Variants in SGMS1 observed in about 807,000 individuals in gnomAD.
The protein encoded by SGMS1 is phosphatidylcholine:ceramide cholinephosphotransferase 1.
Under a neutral mutation model 46.2 loss-of-function variants are expected in SGMS1, and 13 were observed. The ratio of observed to expected loss-of-function variants is 0.28; its 90% confidence interval spans 0.18 to 0.45. The LOEUF (loss-of-function observed/expected upper bound fraction) is 0.45, where lower values mean the gene tolerates loss of function less well. SGMS1 is among the 20% of genes least tolerant of loss of function. The pLI, the probability that SGMS1 is intolerant of heterozygous loss-of-function variation, is 1.00. For synonymous variants in SGMS1, 203 were observed against 187.8 expected (o/e 1.08, Z -0.66); for missense variants, 324 against 519.9 (o/e 0.62, Z 3.66).
intron 2 of SGMS1, among the ~76,000 whole-genome samples, chr10:50,559,427 G>A (rs1476439973): frequency 6.6e-6 from 1 of 152,146 alleles, no homozygotes; most frequent in Non-Finnish European, 1.5e-5. Context: ...ATATACAATA[G>A]ATACTCATGC....
chr10:50,370,909 A>G (rs947139294), intron 6 of SGMS1, among the ~76,000 whole-genome samples: 3 of 152,132 alleles, frequency 2.0e-5, no homozygotes, highest in Non-Finnish European at 4.4e-5. Flanking sequence ...GCCTTCCGGA[A>G]TTCCTCCTGA....
intron 5 of SGMS1, among the ~76,000 whole-genome samples, chr10:50,435,351 C>G (rs1021617764): frequency 1.3e-5 from 2 of 152,212 alleles, no homozygotes; most frequent in African/African-American, 4.8e-5. Context: ...ACTGTGCTCA[C>G]TAGTGCAACT....
chr10:50,394,500 C>A (rs140908753), intron 6 of SGMS1, among the ~76,000 whole-genome samples: 18 of 152,292 alleles, frequency 1.2e-4, no homozygotes, highest in African/African-American at 4.3e-4. Flanking sequence ...AGTTGGAAAC[C>A]CCATTTGCCA....
intron 2 of SGMS1, among the ~76,000 whole-genome samples, chr10:50,568,934 G>A (rs1838313713): frequency 6.6e-6 from 1 of 152,040 alleles, no homozygotes. Context: ...TAAAGAAAAT[G>A]TGGCACATAT....
At chr10:50,413,175 C>G (rs1188960463) in intron 6 of SGMS1, among the ~76,000 whole-genome samples, 1 of 152,024 alleles carries the variant, frequency 6.6e-6, no homozygotes, top group Non-Finnish European at 1.5e-5. Context: ...CTTGTTTATT[C>G]CTCTAAGCCC....
intron 6 of SGMS1, among the ~76,000 whole-genome samples, chr10:50,408,718 T>C (rs1165753507): frequency 1.3e-5 from 2 of 151,846 alleles, no homozygotes; most frequent in Admixed American, 6.6e-5. Context: ...TGCATGCCTG[T>C]AGTCCCAGCT....
chr10:50,608,931 T>A (rs1838721169), intron 1 of SGMS1, among the ~76,000 whole-genome samples: 1 of 152,234 alleles, frequency 6.6e-6, no homozygotes, highest in Non-Finnish European at 1.5e-5. Flanking sequence ...CTAGATAATG[T>A]ATAATACATA....
At chr10:50,481,205 G>A (rs1375211480) in intron 3 of SGMS1, among the ~76,000 whole-genome samples, 1 of 152,226 alleles carries the variant, frequency 6.6e-6, no homozygotes, top group Non-Finnish European at 1.5e-5. Flanking sequence ...TCATTAAGAG[G>A]ATCCCTCATC....
intron 2 of SGMS1, among the ~76,000 whole-genome samples, chr10:50,589,952 A>C (rs2131890774): frequency 6.6e-6 from 1 of 152,332 alleles, no homozygotes; most frequent in African/African-American, 2.4e-5. Flanking sequence ...TTAGGAAAAA[A>C]TGTCATAATA....
intron 3 of SGMS1, among the ~76,000 whole-genome samples, chr10:50,471,923 A>G (rs188801135): frequency 6.6e-6 from 1 of 152,340 alleles, no homozygotes; most frequent in African/African-American, 2.4e-5. Flanking sequence ...GAGCCACATT[A>G]TCTCTGTGCT....
intron 1 of SGMS1, among the ~76,000 whole-genome samples, chr10:50,598,629 G>A (rs981003732): frequency 1.3e-5 from 2 of 152,126 alleles, no homozygotes; most frequent in African/African-American, 2.4e-5. Context: ...CATGGGACAG[G>A]AGACCATCAG....
intron 3 of SGMS1, among the ~76,000 whole-genome samples, chr10:50,518,585 C>T (rs529541926): frequency 1.1e-3 from 170 of 152,140 alleles, no homozygotes; most frequent in Non-Finnish European, 2.1e-3. Context: ...TGCCACCATT[C>T]CCGGCTAATT....
At chr10:50,623,047 C>G (rs540312907) in intron 1 of SGMS1, among the ~76,000 whole-genome samples, 1 of 152,120 alleles carries the variant, frequency 6.6e-6, no homozygotes, top group Non-Finnish European at 1.5e-5. Context: ...GCGGGGGCAG[C>G]CCTGCGGGGT....
At position 50,610,938 on chromosome 10, in the gene SGMS1, C is replaced by T. The variant is rs191299351; in HGVS notation, c.-684+12769G>A. The stretch of plus-strand genomic sequence containing the variant: ...AGATGGAGGCCATCTACAAAGGCTT[C>T]CACAAAAAGCAATGGCATACAGGGG... On this transcript the variant is annotated intron_variant, in intron 1 of 10. Transcript: ENST00000361781. Among the ~76,000 whole-genome samples the T allele has an allele frequency of 2.0e-5, 3 of 152,246 alleles. No homozygotes were observed. The East Asian group carries it at 5.8e-4, about 29-fold the overall frequency.
intron 5 of SGMS1, among the ~76,000 whole-genome samples, chr10:50,449,591 T>C (rs1455311138): frequency 6.6e-6 from 1 of 152,190 alleles, no homozygotes; most frequent in African/African-American, 2.4e-5. Flanking sequence ...TACTTAGATG[T>C]TGCCTTCTCA....
At chr10:50,525,045 G>C (rs1379913163) in intron 2 of SGMS1, among the ~76,000 whole-genome samples, 1 of 152,096 alleles carries the variant, frequency 6.6e-6, no homozygotes, top group African/African-American at 2.4e-5. Flanking sequence ...ATGTTTAAAA[G>C]AAGCGGTGGA....
chr10:50,603,534 A>AAC (rs997209163), intron 1 of SGMS1, among the ~76,000 whole-genome samples: 64 of 152,306 alleles, frequency 4.2e-4, no homozygotes, highest in Admixed American at 8.5e-4. Context: ...AAATTTAAAA[A>AAC]ACACACACAC....
At position 50,525,049 on chromosome 10, in the gene SGMS1, C is replaced by A. The variant is rs151004127; in HGVS notation, c.-588-5128G>T. Reference sequence around the variant, plus strand: ...CAAGCAAAATAATGTTTAAAAGAAGCGGTGGAAATAGGAAAGAATTTTCTT... The same window carrying A: ...CAAGCAAAATAATGTTTAAAAGAAGAGGTGGAAATAGGAAAGAATTTTCTT... On this transcript the variant is annotated intron_variant, in intron 2 of 10. Transcript: ENST00000361781. 5.2e-4 allele frequency among the ~76,000 whole-genome samples: 79 copies of A among 151,900 alleles called. No homozygotes were observed. The South Asian group carries it at 0.016, about 30-fold the overall frequency.
intron 2 of SGMS1, among the ~76,000 whole-genome samples, chr10:50,533,905 T>G (rs1215112657): frequency 3.3e-5 from 5 of 151,986 alleles, no homozygotes; most frequent in Non-Finnish European, 5.9e-5. Context: ...AAAAAGGAAG[T>G]TGGGTATGGT....
Sources: gnomAD v4.1 joint callset for allele counts (sites outside exome capture counted in the v4.1 genomes callset) on GRCh38, gnomAD v4.1.1 for gene constraint, MANE v1.5 for transcripts, NCBI Gene and HGNC (gene_info 2026-07-23, HGNC 2026-07-21) for gene names.